FRYL: variants seen among roughly 807,000 people sequenced by gnomAD.
The protein encoded by FRYL is protein furry homolog-like.
In FRYL, 150 loss-of-function variants were observed where a neutral mutation model predicts 351.2. The observed-to-expected ratio is 0.43, with a 90% CI of 0.37 to 0.49. The LOEUF (loss-of-function observed/expected upper bound fraction) is 0.49. Ranked by LOEUF, FRYL falls within the 20% of genes least tolerant of loss-of-function variation. FRYL has a pLI of 0.00. For missense variants in FRYL, 3,036 were observed against 3,619.3 expected (o/e 0.84, Z 4.13); for synonymous variants, 1,153 against 1,257.1 (o/e 0.92, Z 1.75).
intron 30 of FRYL, 56 bp downstream of exon 30, chr4:48,564,877 T>C: frequency 1.1e-6 from 1 of 950,880 alleles, no homozygotes; most frequent in Non-Finnish European, 1.6e-6. Context: ...ATACATTAAC[T>C]GCAAATAATA....
chr4:48,581,068 C>T (rs1455894041), intron 21 of FRYL, 117 bp from the exon 22 acceptor site: 25 of 578,406 alleles, frequency 4.3e-5, no homozygotes, highest in Admixed American at 7.5e-5. Context: ...TTTTTTGAGA[C>T]GGAGTCTCGC....
At chr4:48,718,714 C>A (rs981670337) in intron 1 of FRYL, among the ~76,000 whole-genome samples, 10 of 151,552 alleles carry the variant, frequency 6.6e-5, no homozygotes, top group Admixed American at 5.3e-4. Context: ...TTCAAGACTG[C>A]TAAAGTCCCT....
intron 49 of FRYL, among the ~76,000 whole-genome samples, chr4:48,531,974 T>C (rs747907621): frequency 6.6e-6 from 1 of 152,194 alleles, no homozygotes; most frequent in Non-Finnish European, 1.5e-5. Context: ...TCTGCTTGTC[T>C]TAGTTTTGTA....
In FRYL at chr4:48,550,700, C is replaced by A; in HGVS notation, c.4525G>T (p.Val1509Leu). The change falls in exon 38 of 64, where the codon GTG (valine) becomes TTG (leucine). Residue 1509 changes from valine (V) to leucine (L), a missense_variant. Val to Leu is a conservative substitution (Grantham distance 32, BLOSUM62 1). Coordinates refer to ENST00000358350, the MANE Select transcript of FRYL (RefSeq NM_015030.2). ...AGTCCACTGTAAATGTCCAGGTGCA[C>A]ATAGCTATGGGAATGATCACTGAAG... ...PIKENIEESY[V>L]HLDIYSGLNS... 1 of 1,604,788 alleles carries A rather than the reference C, an allele frequency of 6.2e-7. No individual in the cohort carries two copies. The highest frequency in any genetic ancestry group is 8.5e-7 in the Non-Finnish European group (1 of 1,171,558).
At chr4:48,526,121 G>A (rs1726170073) in intron 53 of FRYL, among the ~76,000 whole-genome samples, 1 of 152,152 alleles carries the variant, frequency 6.6e-6, no homozygotes, top group African/African-American at 2.4e-5. Context: ...GCTGATGAAT[G>A]TGTATGAGCT....
At chr4:48,719,310 T>C (rs2354314) in intron 1 of FRYL, among the ~76,000 whole-genome samples, 64,481 of 151,292 alleles carry the variant, frequency 0.43, 15,938 homozygotes, top group Admixed American at 0.58. Flanking sequence ...TAACGCATGC[T>C]TTATTCCATG....
intron 4 of FRYL, 54 bp from the exon 5 acceptor site, chr4:48,623,233 C>T: frequency 2.0e-6 from 2 of 993,464 alleles, no homozygotes; most frequent in Non-Finnish European, 2.9e-6. Context: ...AAATATAAAA[C>T]ATTAGAAATC....
chr4:48,655,439 G>A (rs188270031), intron 3 of FRYL, among the ~76,000 whole-genome samples: 4 of 151,932 alleles, frequency 2.6e-5, no homozygotes, highest in African/African-American at 9.6e-5. Context: ...CCACAGCCCA[G>A]AAACACTACA....
At chr4:48,705,199 G>A (rs1296022562) in intron 2 of FRYL, among the ~76,000 whole-genome samples, 1 of 151,734 alleles carries the variant, frequency 6.6e-6, no homozygotes, top group Non-Finnish European at 1.5e-5. Context: ...AAACACAGTG[G>A]AAAGATATAA....
chr4:48,707,522 C>T (rs1055335847), intron 2 of FRYL, among the ~76,000 whole-genome samples: 1 of 152,056 alleles, frequency 6.6e-6, no homozygotes, highest in Admixed American at 6.6e-5. Context: ...TTACACCAGT[C>T]TGTTTACTTC....
chr4:48,743,252 T>C (rs540900916), intron 1 of FRYL, among the ~76,000 whole-genome samples: 2 of 152,130 alleles, frequency 1.3e-5, no homozygotes, highest in South Asian at 4.1e-4. Flanking sequence ...CTTATCTAGG[T>C]GTTACTTTTC....
intron 1 of FRYL, among the ~76,000 whole-genome samples, chr4:48,743,861 C>T (rs1772383916): frequency 6.6e-6 from 1 of 152,180 alleles, no homozygotes; most frequent in Admixed American, 6.5e-5. Context: ...CAGCCTACCC[C>T]GCAGATTTTT....
chr4:48,680,026 A>G (rs1424962350), intron 3 of FRYL, among the ~76,000 whole-genome samples: 2 of 152,106 alleles, frequency 1.3e-5, no homozygotes, highest in Admixed American at 6.5e-5. Flanking sequence ...GAAGATGTCT[A>G]TGATGTACTA....
intron 3 of FRYL, among the ~76,000 whole-genome samples, chr4:48,671,876 A>AAAAAAAAAAAAAAAAAAAG (rs1762802389): frequency 6.8e-6 from 1 of 146,350 alleles, no homozygotes; most frequent in Non-Finnish European, 1.5e-5. Context: ...AAAAAAACAA[A>AAAAAAAAAAAAAAAAAAAG]AAAAAAAAAA....
intron 4 of FRYL, among the ~76,000 whole-genome samples, chr4:48,630,194 A>G (rs796208079): frequency 2.0e-5 from 3 of 152,264 alleles, no homozygotes; most frequent in African/African-American, 7.2e-5. Flanking sequence ...AGTAATACAC[A>G]GAAGATCACA....
intron 1 of FRYL, among the ~76,000 whole-genome samples, chr4:48,742,591 T>G (rs1046900309): frequency 6.6e-6 from 1 of 152,178 alleles, no homozygotes; most frequent in Non-Finnish European, 1.5e-5. Context: ...ACAGACCAAC[T>G]CAGGACTGCT....
intron 30 of FRYL, 83 bp downstream of exon 30, chr4:48,564,843 TAAAAGAC>T: frequency 1.5e-6 from 1 of 650,814 alleles, no homozygotes; most frequent in Admixed American, 2.8e-5. Flanking sequence ...CTTATTTTTT[TAAAAGAC>T]TTGTTTTTAG....
chr4:48,526,888 T>A (rs1320531305), intron 53 of FRYL, among the ~76,000 whole-genome samples: 1 of 152,168 alleles, frequency 6.6e-6, no homozygotes, highest in Non-Finnish European at 1.5e-5. Flanking sequence ...GTTACCTACA[T>A]CATAAAGAAG....
At chr4:48,743,636 C>G (rs1772358046) in intron 1 of FRYL, among the ~76,000 whole-genome samples, 1 of 152,156 alleles carries the variant, frequency 6.6e-6, no homozygotes, top group Non-Finnish European at 1.5e-5. Flanking sequence ...GTCCATGGTA[C>G]CCACATGTTT....
Sources: allele counts gnomAD v4.1 joint callset (sites outside exome capture counted in the v4.1 genomes callset), GRCh38; gene constraint gnomAD v4.1.1; transcripts MANE v1.5; gene names NCBI Gene and HGNC (gene_info 2026-07-23, HGNC 2026-07-21).